The following HIVEP1 variants were observed in gnomAD, a reference collection of about 807,000 sequenced individuals.
HIVEP1 encodes the protein zinc finger protein 40.
A neutral mutation model predicts 180.0 loss-of-function variants in HIVEP1; 36 were observed. The ratio of observed to expected loss-of-function variants is 0.20; its 90% CI spans 0.15 to 0.26. The LOEUF (loss-of-function observed/expected upper bound fraction) is 0.26, where lower values mean the gene tolerates loss of function less well. HIVEP1 is among the 10% of genes least tolerant of loss of function. HIVEP1 has a pLI of 1.00. For synonymous variants in HIVEP1, 1,239 were observed against 1,239.0 expected, an observed-to-expected ratio of 1.00 and a Z score of 0.00; for missense variants, 3,143 against 3,268.7, an observed-to-expected ratio of 0.96 and a Z score of 0.94.
downstream of HIVEP1, among the ~76,000 whole-genome samples, chr6:12,168,033 T>TG (rs1491475196): frequency 6.9e-5 from 3 of 43,734 alleles, no homozygotes; most frequent in African/African-American, 3.3e-4. Context: ...TATGTATATA[T>TG]TATATATACA....
chr6:12,038,546 C>G (rs1429812195), intron 2 of HIVEP1: 2 of 152,348 alleles, frequency 1.3e-5, no homozygotes, highest in Admixed American at 1.3e-4. Context: ...GTGGCATGCA[C>G]TTGTAGTCCC....
intron 3 of HIVEP1, among the ~76,000 whole-genome samples, chr6:12,096,075 A>G (rs527519611): frequency 1.2e-4 from 18 of 152,150 alleles, no homozygotes; most frequent in African/African-American, 4.3e-4. Flanking sequence ...CTGTCTCACA[A>G]TAAGAACCTA....
At chr6:12,182,755 G>A in the HIVEP1 span, among the ~76,000 whole-genome samples, 23 of 152,146 alleles carry the variant, frequency 1.5e-4, no homozygotes, top group Non-Finnish European at 2.8e-4. Flanking sequence ...AGAGTCTTGC[G>A]AGGAAGATCC....
chr6:12,091,316 T>C (rs1442887527), intron 3 of HIVEP1, among the ~76,000 whole-genome samples: 1 of 152,136 alleles, frequency 6.6e-6, no homozygotes, highest in Non-Finnish European at 1.5e-5. Context: ...TTTGGGTTTT[T>C]TCACCCTGTA....
At chr6:12,204,073 T>C in the HIVEP1 span, among the ~76,000 whole-genome samples, 30 of 146,768 alleles carry the variant, frequency 2.0e-4, no homozygotes, top group Non-Finnish European at 4.2e-4. Context: ...TGAAACTCCA[T>C]CTGAAAAAAA....
At position 12,039,419 on chromosome 6, in the gene HIVEP1, A is replaced by G. The variant is rs1488724676; in HGVS notation, c.40+23751A>G. ...TACCAGTCAGAGCCATGTGGAAGCT[A>G]TGCAGGTAAACAAGCCTCTTTTTGG... On this transcript the variant is annotated intron_variant, in intron 2 of 8. Coordinates refer to ENST00000379388, the MANE Select transcript of HIVEP1 (RefSeq NM_002114.4). Among the ~76,000 whole-genome samples the G allele has an allele frequency of 3.3e-5, 5 of 152,224 alleles. No individual in the cohort carries two copies. The East Asian group carries it at 9.6e-4, about 29-fold the overall frequency.
intron 2 of HIVEP1, among the ~76,000 whole-genome samples, chr6:12,060,031 C>T (rs74323999): frequency 0.026 from 3,887 of 152,130 alleles, 172 homozygotes; most frequent in African/African-American, 0.089. Context: ...CAATTGATTT[C>T]GAATACATGT....
chr6:12,049,498 C>T (rs1209450358), intron 2 of HIVEP1, among the ~76,000 whole-genome samples: 1 of 152,146 alleles, frequency 6.6e-6, no homozygotes, highest in Non-Finnish European at 1.5e-5. Context: ...AGTTGCTCTG[C>T]CTGATCGGAT....
At chr6:12,015,478 C>T (rs892561989) in intron 1 of HIVEP1, 48 bp from the exon 2 acceptor site, 3 of 639,960 alleles carry the variant, frequency 4.7e-6, no homozygotes, top group Non-Finnish European at 2.8e-6. Flanking sequence ...AAGTATCTTT[C>T]TCCTCTGAAG....
intron 2 of HIVEP1, among the ~76,000 whole-genome samples, chr6:12,086,257 T>C (rs187185732): frequency 1.3e-3 from 203 of 152,288 alleles, no homozygotes; most frequent in African/African-American, 4.4e-3. Flanking sequence ...CTCCTCCAAG[T>C]GTATTTAATG....
chr6:12,197,257 G>C, the HIVEP1 span, among the ~76,000 whole-genome samples: 1 of 152,074 alleles, frequency 6.6e-6, no homozygotes, highest in Non-Finnish European at 1.5e-5. Flanking sequence ...AGTTCATTTT[G>C]ACATGGGAAA....
Position 12,124,669 on chromosome 6 carries a change from G to A in HIVEP1, c.4874G>A (p.Ser1625Asn). 1 of 1,614,158 alleles carries A rather than the reference G, an allele frequency of 6.2e-7. No individual in the cohort carries two copies. The highest frequency in any genetic ancestry group is 8.5e-7 in the Non-Finnish European group (1 of 1,179,994). The change falls in exon 4 of 9, where the codon AGT becomes AAT. Residue 1625 changes from serine (S) to asparagine (N), a missense_variant. Ser to Asn is a conservative substitution (Grantham distance 46, BLOSUM62 1). Coordinates refer to ENST00000379388, the MANE Select transcript of HIVEP1 (RefSeq NM_002114.4). ...LLPPELRPLG[S>N]QVQKVPSSFM... ...CCACCAGAGCTCAGGCCCCTTGGAA[G>A]TCAGGTGCAGAAGGTGCCATCATCA...
intron 3 of HIVEP1, among the ~76,000 whole-genome samples, chr6:12,097,100 T>G (rs754316630): frequency 1.2e-4 from 18 of 152,056 alleles, no homozygotes; most frequent in Non-Finnish European, 1.2e-4. Flanking sequence ...TATTTTAATA[T>G]TATATTGATG....
At chr6:12,169,128 C>G (rs189022858), downstream of HIVEP1, among the ~76,000 whole-genome samples, 26 of 152,286 alleles carry the variant, frequency 1.7e-4, no homozygotes, top group Non-Finnish European at 2.4e-4. Flanking sequence ...CTCAAGTGAT[C>G]CGCCTGCCTC....
chr6:12,197,604 A>G, the HIVEP1 span, among the ~76,000 whole-genome samples: 1 of 151,886 alleles, frequency 6.6e-6, no homozygotes, highest in Admixed American at 6.6e-5. Context: ...GTAGAGCAGA[A>G]GGGAGATGGC....
At chr6:12,018,300 G>A (rs372078381) in intron 2 of HIVEP1, among the ~76,000 whole-genome samples, 2 of 152,220 alleles carry the variant, frequency 1.3e-5, no homozygotes, top group Non-Finnish European at 2.9e-5. Flanking sequence ...GAGGGAGCCG[G>A]CTCTGGCCTG....
rs1191306572 is a variant in HIVEP1, at chr6:12,164,174, C to T, written c.7870C>T (p.His2624Tyr). Residue 2624 changes from histidine to tyrosine, a missense_variant, in exon 9 of 9, where the codon CAT (histidine) becomes TAT (tyrosine). His to Tyr is a moderately conservative substitution (Grantham distance 83, BLOSUM62 2). Around this residue, in one of 12 missense-constraint regions of HIVEP1, gnomAD observed 595 missense variants for 602.2 expected, o/e 0.99. Coordinates refer to ENST00000379388, the MANE Select transcript of HIVEP1 (RefSeq NM_002114.4). ...VLNPPAPAGD[H>Y]ARLDGLSKMD... ...GAATCCACCTGCCCCTGCAGGTGAC[C>T]ATGCAAGGCTTGATGGCCTGAGTAA... 4 of 1,614,062 alleles carry T rather than the reference C, an allele frequency of 2.5e-6. No individual in the cohort carries two copies. The highest frequency in any genetic ancestry group is 3.4e-6 in the Non-Finnish European group (4 of 1,180,036).
At chr6:12,014,340 T>C (rs530023735) in intron 1 of HIVEP1, among the ~76,000 whole-genome samples, 1 of 152,342 alleles carries the variant, frequency 6.6e-6, no homozygotes, top group East Asian at 1.9e-4. Flanking sequence ...TACCACATTC[T>C]TTAGTTGTTT....
chr6:12,109,494 C>T (rs1406985897), intron 3 of HIVEP1, among the ~76,000 whole-genome samples: 1 of 152,202 alleles, frequency 6.6e-6, no homozygotes, highest in Non-Finnish European at 1.5e-5. Flanking sequence ...ATTTCAGCAG[C>T]GTTTACAGCA....
Sources: allele counts gnomAD v4.1 joint callset (sites outside exome capture counted in the v4.1 genomes callset), GRCh38; gene constraint gnomAD v4.1.1; regional missense constraint gnomAD v4.1.1; transcripts MANE v1.5; gene names NCBI Gene and HGNC (gene_info 2026-07-23, HGNC 2026-07-21).